Variants in SORCS1 observed in about 807,000 individuals in gnomAD.
SORCS1 encodes sortilin related VPS10 domain containing receptor 1, also known as VPS10 domain-containing receptor SorCS1.
SORCS1 carries 60 observed loss-of-function variants against 146.1 expected under a neutral mutation model. That is an observed-to-expected ratio of 0.41 (90% CI 0.33 to 0.51). The LOEUF is 0.51. Among genes scored for constraint, SORCS1 ranks in the 20% least tolerant of loss-of-function variants. The probability of loss-of-function intolerance (pLI) is 0.21; values close to 1 mark genes in which losing one functional copy is unlikely to be tolerated. For synonymous variants in SORCS1, 637 were observed against 584.0 expected, an observed-to-expected ratio of 1.09 and a Z score of -1.31; for missense variants, 1,352 against 1,487.6, an observed-to-expected ratio of 0.91 and a Z score of 1.50.
In SORCS1 at chr10:107,042,191, G is replaced by A. The variant is rs529553833; in HGVS notation, c.559-85611C>T. Among the ~76,000 whole-genome samples the A allele has an allele frequency of 6.6e-5, 10 of 152,298 alleles. No individual in the cohort carries two copies. In the East Asian group the frequency reaches 1.9e-3, roughly 29 times the overall value. On this transcript the variant is annotated intron_variant, in intron 1 of 25. Coordinates refer to ENST00000263054, the MANE Select transcript of SORCS1 (RefSeq NM_052918.5). ...GATCTCCTGTTGTGGTTTAGAACTT[G>A]TATCTATAAATTTCATTCTGTCTTT...
intron 1 of SORCS1, among the ~76,000 whole-genome samples, chr10:107,025,283 T>G (rs1958349377): frequency 6.6e-6 from 1 of 152,246 alleles, no homozygotes; most frequent in African/African-American, 2.4e-5. Context: ...GATTTAGAAC[T>G]ATCTGCCTGT....
In SORCS1 at chr10:106,727,957, G is replaced by A. The variant is rs375895084; in HGVS notation, c.1024+2093C>T. 8.5e-5 allele frequency among the ~76,000 whole-genome samples: 13 copies of A among 152,308 alleles called. No homozygotes were observed. The East Asian group carries it at 1.9e-3, about 23-fold the overall frequency. ...AGACTAAGATTAGGCTGAGGGAATG[G>A]GCAGACACAAGTTATGCTGGAGCTA... On this transcript the variant is annotated intron_variant, in intron 6 of 25. Coordinates refer to ENST00000263054, the MANE Select transcript of SORCS1 (RefSeq NM_052918.5).
At chr10:106,780,772 G>T (rs538618529) in intron 3 of SORCS1, among the ~76,000 whole-genome samples, 1 of 152,232 alleles carries the variant, frequency 6.6e-6, no homozygotes, top group African/African-American at 2.4e-5. Context: ...GTTTACTTAT[G>T]CCTTGCAGGG....
intron 18 of SORCS1, among the ~76,000 whole-genome samples, chr10:106,635,828 C>T (rs1039439298): frequency 2.6e-5 from 4 of 152,038 alleles, no homozygotes; most frequent in Admixed American, 2.0e-4. Flanking sequence ...CATCATTAAG[C>T]GGCACTGAGT....
chr10:107,045,015 A>C (rs1238265802), intron 1 of SORCS1, among the ~76,000 whole-genome samples: 10 of 152,090 alleles, frequency 6.6e-5, no homozygotes, highest in Non-Finnish European at 4.4e-5. Context: ...GTTTAGGCCA[A>C]AAGAGAAGGA....
chr10:107,058,583 T>C (rs1960874480), intron 1 of SORCS1, among the ~76,000 whole-genome samples: 1 of 152,102 alleles, frequency 6.6e-6, no homozygotes. Context: ...AATGCCTGAG[T>C]TTGAATCCCA....
chr10:106,722,911 G>C (rs1855881721), intron 6 of SORCS1, among the ~76,000 whole-genome samples: 1 of 152,180 alleles, frequency 6.6e-6, no homozygotes, highest in Non-Finnish European at 1.5e-5. Context: ...CAGTTTCAGG[G>C]AGGTAGTAAG....
intron 18 of SORCS1, 132 bp from the exon 19 acceptor site, chr10:106,629,520 G>A (rs1470490599): frequency 8.7e-6 from 7 of 803,906 alleles, no homozygotes; most frequent in East Asian, 2.7e-5. Context: ...CTACAGCTAG[G>A]AGCATCTGCC....
intron 1 of SORCS1, 55 bp from the exon 2 acceptor site, chr10:106,956,635 A>T: frequency 1.3e-6 from 2 of 1,504,682 alleles, no homozygotes; most frequent in East Asian, 4.5e-5. Context: ...ATCTCTTAGA[A>T]CTGAAATGGC....
Position 106,679,639 on chromosome 10 carries a change from C to T in SORCS1, c.1656G>A (p.Val552=), listed in dbSNP as rs781307221. 17 of 1,611,052 alleles carry T rather than the reference C, an allele frequency of 1.1e-5. No homozygotes were observed. Among genetic ancestry groups the T allele is most frequent in the Non-Finnish European group, 1.7e-6 (2 of 1,178,472 alleles). ...ACCAGGTAAGCTTCTTACCTGATGC[C>T]ACTATGATGCTTGGAGCTGTGTCTT... The part of the protein sequence containing the change: ...ASKDTAPSII[V]ASGNIGSELS... Residue 552 remains valine, a synonymous_variant, in exon 11 of 26, where the codon GTG becomes GTA. Transcript: ENST00000263054.
chr10:106,724,640 A>G (rs1856022052), intron 6 of SORCS1, among the ~76,000 whole-genome samples: 1 of 152,254 alleles, frequency 6.6e-6, no homozygotes, highest in Admixed American at 6.5e-5. Flanking sequence ...GGAAACAGAA[A>G]TTAAGTATAA....
chr10:107,036,183 A>T (rs1358064048), intron 1 of SORCS1, among the ~76,000 whole-genome samples: 1 of 149,570 alleles, frequency 6.7e-6, no homozygotes, highest in Non-Finnish European at 1.5e-5. Context: ...GAGTTATTAG[A>T]TCCTTTCATT....
chr10:106,893,434 G>T (rs1011823649), intron 2 of SORCS1, among the ~76,000 whole-genome samples: 3 of 151,962 alleles, frequency 2.0e-5, no homozygotes, highest in African/African-American at 7.3e-5. Flanking sequence ...CTCTCTGAGG[G>T]CAGGGGCTAT....
intron 1 of SORCS1, among the ~76,000 whole-genome samples, chr10:106,966,042 T>G (rs769140945): frequency 1.6e-4 from 25 of 152,238 alleles, no homozygotes; most frequent in Non-Finnish European, 2.9e-4. Flanking sequence ...TCCATTTAAA[T>G]TACTGGAGAA....
intron 2 of SORCS1, among the ~76,000 whole-genome samples, chr10:106,872,973 G>T (rs1330906406): frequency 6.6e-6 from 1 of 152,078 alleles, no homozygotes; most frequent in Admixed American, 6.6e-5. Context: ...AGGAGTTCGA[G>T]ACCAGCCTGG....
chr10:106,596,124 T>C (rs1845889924), intron 24 of SORCS1, among the ~76,000 whole-genome samples: 3 of 152,142 alleles, frequency 2.0e-5, no homozygotes. Flanking sequence ...ACCAATGTTC[T>C]GACTGGAAAA....
intron 3 of SORCS1, among the ~76,000 whole-genome samples, chr10:106,797,946 C>T (rs985680784): frequency 3.9e-5 from 6 of 152,120 alleles, no homozygotes; most frequent in South Asian, 2.1e-4. Context: ...GAAAGTTTAC[C>T]GGAACTTTCC....
chr10:107,071,439 C>G (rs1361389654), intron 1 of SORCS1, among the ~76,000 whole-genome samples: 1 of 152,172 alleles, frequency 6.6e-6, no homozygotes, highest in African/African-American at 2.4e-5. Flanking sequence ...TGTGAATCCC[C>G]TGAAGCCAAC....
At chr10:106,987,105 A>C (rs955204348) in intron 1 of SORCS1, among the ~76,000 whole-genome samples, 1 of 152,160 alleles carries the variant, frequency 6.6e-6, no homozygotes, top group African/African-American at 2.4e-5. Flanking sequence ...TTTCACTCCT[A>C]ATAGGCTTTT....
Sources: allele counts gnomAD v4.1 joint callset (sites outside exome capture counted in the v4.1 genomes callset), GRCh38; gene constraint gnomAD v4.1.1; transcripts MANE v1.5; gene names NCBI Gene and HGNC (gene_info 2026-07-23, HGNC 2026-07-21).